Variants in ZKSCAN7 observed in about 807,000 individuals in gnomAD.
ZKSCAN7 encodes zinc finger protein with KRAB and SCAN domains 7.
ZKSCAN7 carries 38 observed loss-of-function variants against 65.3 expected under a neutral mutation model. The ratio of observed to expected loss-of-function variants is 0.58; its 90% CI spans 0.45 to 0.76. The LOEUF is 0.76. ZKSCAN7 is among the 30% of genes least tolerant of loss of function. The pLI is 0.00. For synonymous variants in ZKSCAN7, 321 were observed against 321.0 expected (o/e 1.00, Z 0.00); for missense variants, 815 against 913.3 (o/e 0.89, Z 1.39).
In ZKSCAN7 at chr3:44,571,141, C is replaced by T. The variant is rs1575376278; in HGVS notation, c.2031C>T (p.Ser677=). The change falls in exon 6 of 6, where the codon AGC becomes AGT. Residue 677 remains serine, a synonymous_variant. Transcript: ENST00000426540. ...ECGKVFSYSS[S]LMVHQRTHTG... ...GGAAGGTATTCAGTTATAGCTCCAG[C>T]CTTATGGTACATCAGAGAACCCATA... The T allele has an allele frequency of 2.5e-6, 4 of 1,613,744 alleles. No homozygotes were observed. Among genetic ancestry groups the T allele is most frequent in the East Asian group, 2.2e-5 (1 of 44,824 alleles).
Position 44,562,700 on chromosome 3 carries a change from G to A in ZKSCAN7, c.424-2787G>A, listed in dbSNP as rs138620880. On this transcript the variant is annotated intron_variant, in intron 2 of 5. Transcript: ENST00000426540. The stretch of plus-strand genomic sequence containing the variant: ...CTGCTTAGAAATTTCTTCTGCTAGA[G>A]GGCTGGGCGTGGTGGCTCACGCCTG... Among the ~76,000 whole-genome samples, 643 of 152,260 alleles carry A rather than the reference G, an allele frequency of 4.2e-3. 2 individuals carry two copies. Among genetic ancestry groups the A allele is most frequent in the African/African-American group, 0.015 (605 of 41,556 alleles).
At chr3:44,577,839 A>C (rs1699954208) in intron 5 of ZKSCAN7, among the ~76,000 whole-genome samples, 1 of 152,210 alleles carries the variant, frequency 6.6e-6, no homozygotes, top group Non-Finnish European at 1.5e-5. Flanking sequence ...CAGTAAAACA[A>C]AGGTACAGGT....
chr3:44,576,635 C>T (rs761498078), downstream of ZKSCAN7, among the ~76,000 whole-genome samples: 4 of 152,176 alleles, frequency 2.6e-5, no homozygotes, highest in Non-Finnish European at 4.4e-5. Context: ...TATTTGTCTG[C>T]AGATAGGGAA....
chr3:44,575,622 G>C (rs1348345681), downstream of ZKSCAN7, among the ~76,000 whole-genome samples: 1 of 152,156 alleles, frequency 6.6e-6, no homozygotes, highest in Non-Finnish European at 1.5e-5. Flanking sequence ...TTGTTGCCCA[G>C]GCTGGAGTGC....
chr3:44,576,998 C>CT (rs1699934920), downstream of ZKSCAN7, among the ~76,000 whole-genome samples: 2 of 151,534 alleles, frequency 1.3e-5, no homozygotes, highest in African/African-American at 4.8e-5. Context: ...GGGTCTTACT[C>CT]TGTCACCCAG....
At chr3:44,580,623 T>C (rs113958788) in intron 5 of ZKSCAN7, 176,731 of 1,613,606 alleles carry the variant, frequency 0.11, 10,511 homozygotes, top group Middle Eastern at 0.16. Context: ...GACGATCTCC[T>C]TGGTCTCCGC....
Position 44,565,624 on chromosome 3 carries a change from AG to A in ZKSCAN7, c.564del (p.Thr189HisfsTer50). ...CCCACCTGGAGCCTCCTTATGACCC[AG>A]GGACACACCACCTCCCCAGTGGGGA... ...GAHLEPPYDP[G>X]THHLPSGDFA... On this transcript the variant is annotated frameshift_variant, in exon 3 of 6. Transcript: ENST00000426540. LOFTEE classifies it high-confidence loss of function. 1 of 1,609,058 alleles carries A rather than the reference AG, an allele frequency of 6.2e-7. No homozygotes were observed. The highest frequency in any genetic ancestry group is 8.5e-7 in the Non-Finnish European group (1 of 1,177,992).
chr3:44,565,649 G>A lies in ZKSCAN7; in HGVS notation c.586G>A (p.Asp196Asn). The change falls in exon 3 of 6, where the codon GAC (aspartate) becomes AAC (asparagine). Residue 196 changes from aspartate (D) to asparagine (N), a missense_variant. Transcript: ENST00000426540. Reference protein sequence around the residue: ...DPGTHHLPSGDFAQCTSPVPT... With the variant: ...DPGTHHLPSGNFAQCTSPVPT... ...AGGGACACACCACCTCCCCAGTGGG[G>A]ACTTCGGTACTTATCTCCCCAGCTT... 1 of 1,597,176 alleles carries A rather than the reference G, an allele frequency of 6.3e-7. No homozygotes were observed. Among genetic ancestry groups the A allele is most frequent in the Non-Finnish European group, 8.5e-7 (1 of 1,172,718 alleles).
chr3:44,555,985 G>C (rs886545890), intron 1 of ZKSCAN7, among the ~76,000 whole-genome samples: 1 of 152,228 alleles, frequency 6.6e-6, no homozygotes, highest in Non-Finnish European at 1.5e-5. Context: ...CTCCCAGAAA[G>C]CAGGGGAGAC....
At chr3:44,569,079 C>T (rs1437358900) in intron 5 of ZKSCAN7, among the ~76,000 whole-genome samples, 1 of 152,224 alleles carries the variant, frequency 6.6e-6, no homozygotes, top group South Asian at 2.1e-4. Context: ...TCCAAATTTC[C>T]TCAGAGATGG....
At chr3:44,556,557 T>A (rs1254654053) in intron 1 of ZKSCAN7, among the ~76,000 whole-genome samples, 1 of 152,238 alleles carries the variant, frequency 6.6e-6, no homozygotes, top group Non-Finnish European at 1.5e-5. Context: ...AAAACATACA[T>A]TAAATAGGAG....
At chr3:44,561,869 A>G (rs927645918) in intron 2 of ZKSCAN7, among the ~76,000 whole-genome samples, 1 of 152,192 alleles carries the variant, frequency 6.6e-6, no homozygotes, top group Non-Finnish European at 1.5e-5. Context: ...TATAGCCCCC[A>G]TGGCTGCAGT....
At chr3:44,580,773 G>A in intron 5 of ZKSCAN7, 2 of 1,613,220 alleles carry the variant, frequency 1.2e-6, no homozygotes, top group Non-Finnish European at 1.7e-6. Flanking sequence ...CTCATCCAGG[G>A]CGTAGCGCAA....
At chr3:44,559,447 TAG>T (rs1326979394) in intron 2 of ZKSCAN7, among the ~76,000 whole-genome samples, 5 of 152,132 alleles carry the variant, frequency 3.3e-5, no homozygotes, top group African/African-American at 9.7e-5. Context: ...CTTTTTTTCC[TAG>T]AGAGTCTCAC....
chr3:44,581,299 C>T (rs1302950101), intron 5 of ZKSCAN7, among the ~76,000 whole-genome samples: 2 of 150,296 alleles, frequency 1.3e-5, no homozygotes, highest in Non-Finnish European at 3.0e-5. Flanking sequence ...CCCGCTGCGG[C>T]CCGCCTCTCA....
intron 2 of ZKSCAN7, among the ~76,000 whole-genome samples, chr3:44,557,792 A>G (rs1310079525): frequency 6.6e-6 from 1 of 152,128 alleles, no homozygotes; most frequent in African/African-American, 2.4e-5. Flanking sequence ...GCCTTTGGGT[A>G]TGCTGATAAT....
Position 44,570,297 on chromosome 3 carries a change from C to T in ZKSCAN7, c.1187C>T (p.Ser396Phe). Reference protein sequence around the residue: ...DECGKAFNRSSHLIGHQRIHT... With the variant: ...DECGKAFNRSFHLIGHQRIHT... ...TGTGGCAAAGCTTTCAATCGGAGTTCTCACCTTATTGGCCATCAGAGAATC... is the reference window on the plus strand; with the variant it reads ...TGTGGCAAAGCTTTCAATCGGAGTTTTCACCTTATTGGCCATCAGAGAATC... Residue 396 changes from serine to phenylalanine, a missense_variant, in exon 6 of 6, where the codon TCT becomes TTT. Physicochemically the swap from Ser to Phe is radical, Grantham distance 155. Coordinates refer to ENST00000426540, the MANE Select transcript of ZKSCAN7 (RefSeq NM_001288590.2). 1 of 1,614,096 alleles carries T rather than the reference C, an allele frequency of 6.2e-7. No individual in the cohort carries two copies. The highest frequency in any genetic ancestry group is 8.5e-7 in the Non-Finnish European group (1 of 1,180,004).
chr3:44,577,973 C>G (rs1040708423), intron 5 of ZKSCAN7, among the ~76,000 whole-genome samples: 1 of 152,246 alleles, frequency 6.6e-6, no homozygotes, highest in Non-Finnish European at 1.5e-5. Context: ...CTTGCACCGT[C>G]AGGCCTTCCT....
chr3:44,570,906 G>T lies in ZKSCAN7; in HGVS notation c.1796G>T (p.Arg599Leu), dbSNP rs750023286. The T allele has an allele frequency of 6.2e-7, 1 of 1,614,064 alleles. No individual in the cohort carries two copies. Among genetic ancestry groups the T allele is most frequent in the Admixed American group, 1.7e-5 (1 of 60,012 alleles). The change falls in exon 6 of 6, where the codon CGA becomes CTA. Residue 599 changes from arginine (R) to leucine (L), a missense_variant. Around this residue, in one of 3 missense-constraint regions of ZKSCAN7, gnomAD observed 578 missense variants for 629.5 expected, o/e 0.92. Transcript: ENST00000426540. ...AACTCTCAACTCATTGAGCATGAGC[G>T]AATTCATACTGGAGAAAAACCTTTT... ...NQNSQLIEHE[R>L]IHTGEKPFEC...
Sources: gnomAD v4.1 joint callset for allele counts (sites outside exome capture counted in the v4.1 genomes callset) on GRCh38, gnomAD v4.1.1 for gene constraint, gnomAD v4.1.1 regional missense constraint, MANE v1.5 for transcripts, NCBI Gene and HGNC (gene_info 2026-07-23, HGNC 2026-07-21) for gene names.